Variants in UBE2E1 observed in about 807,000 individuals in gnomAD.
The protein encoded by UBE2E1 is ubiquitin-conjugating enzyme E2 E1.
Under a neutral mutation model 21.4 loss-of-function variants are expected in UBE2E1, and 6 were observed. The ratio of observed to expected loss-of-function variants is 0.28; its 90% CI spans 0.15 to 0.55. The LOEUF (loss-of-function observed/expected upper bound fraction) is 0.55. UBE2E1 is among the 20% of genes least tolerant of loss of function. The probability of loss-of-function intolerance (pLI) is 0.93; values close to 1 mark genes in which losing one functional copy is unlikely to be tolerated. For synonymous variants in UBE2E1, 87 were observed against 82.7 expected (o/e 1.05, Z -0.28); for missense variants, 142 against 236.5 (o/e 0.60, Z 2.62).
chr3:23,857,978 T>TG (rs1700476483), intron 3 of UBE2E1, among the ~76,000 whole-genome samples: 1 of 152,122 alleles, frequency 6.6e-6, no homozygotes, highest in African/African-American at 2.4e-5. Flanking sequence ...CATGCCACCG[T>TG]GCCTGGCTAA....
chr3:23,850,860 T>TTTTTA (rs1335174624), intron 3 of UBE2E1, among the ~76,000 whole-genome samples: 2 of 129,096 alleles, frequency 1.5e-5, no homozygotes, highest in African/African-American at 3.0e-5. Context: ...TTTTTTTTTT[T>TTTTTA]AAGAGACAGG....
At chr3:23,855,690 C>T (rs893893085) in intron 3 of UBE2E1, among the ~76,000 whole-genome samples, 4 of 151,734 alleles carry the variant, frequency 2.6e-5, no homozygotes, top group Non-Finnish European at 5.9e-5. Flanking sequence ...ATTAGCTGGG[C>T]GTGGTGGTGG....
At chr3:23,820,249 C>A (rs777618437) in intron 3 of UBE2E1, among the ~76,000 whole-genome samples, 5 of 152,174 alleles carry the variant, frequency 3.3e-5, no homozygotes, top group Non-Finnish European at 5.9e-5. Context: ...TAACTGGTGT[C>A]AGAATATGCT....
At chr3:23,821,695 C>A (rs1699649001) in intron 3 of UBE2E1, among the ~76,000 whole-genome samples, 1 of 151,972 alleles carries the variant, frequency 6.6e-6, no homozygotes, top group South Asian at 2.1e-4. Context: ...TGTTTTTTTG[C>A]AATTGGCTAG....
chr3:23,869,805 G>A (rs1224034165), intron 3 of UBE2E1, among the ~76,000 whole-genome samples: 1 of 151,204 alleles, frequency 6.6e-6, no homozygotes, highest in African/African-American at 2.4e-5. Flanking sequence ...TGGAAACTGG[G>A]AAATTGGGCA....
chr3:23,872,266 G>A (rs905894511), intron 3 of UBE2E1, among the ~76,000 whole-genome samples: 1 of 152,058 alleles, frequency 6.6e-6, no homozygotes, highest in East Asian at 1.9e-4. Flanking sequence ...ACAGGCACTC[G>A]GCAGGCTGAG....
rs2125276765 is a variant in UBE2E1, at chr3:23,806,666, C to T, written c.-33-571C>T. On this transcript the variant is annotated intron_variant, in intron 1 of 5. Transcript: ENST00000306627. The surrounding 1 kb of genome is among the most constrained non-coding windows in gnomAD (Gnocchi z 6.5). ...CGCGGCGCGGGGGGGCCTCGGGCCTCGTCGCCCCTGCCCCCCGCCGGCCTC... is the reference window on the plus strand; with the variant it reads ...CGCGGCGCGGGGGGGCCTCGGGCCTTGTCGCCCCTGCCCCCCGCCGGCCTC... Among the ~76,000 whole-genome samples, 1 of 151,468 alleles carries T rather than the reference C, an allele frequency of 6.6e-6. No individual in the cohort carries two copies. The highest frequency in any genetic ancestry group is 2.0e-4 in the East Asian group (1 of 5,092).
chr3:23,819,013 G>A (rs1483681808), intron 3 of UBE2E1, among the ~76,000 whole-genome samples: 1 of 152,170 alleles, frequency 6.6e-6, no homozygotes, highest in Non-Finnish European at 1.5e-5. Context: ...GTCCGGGCAC[G>A]GTGGCTTACG....
In UBE2E1 at chr3:23,870,236, C is replaced by T. The variant is rs1417368543; in HGVS notation, c.204-17331C>T. 1.3e-5 allele frequency among the ~76,000 whole-genome samples: 2 copies of T among 152,042 alleles called. No homozygotes were observed. Among genetic ancestry groups the T allele is most frequent in the South Asian group, 4.1e-4 (2 of 4,828 alleles). ...TCCAAGGCACATAGAAAGGGAGAGA[C>T]AGACAGCTGCAGGATGAGATGGGGG... On this transcript the variant is annotated intron_variant, in intron 3 of 5. Transcript: ENST00000306627. The surrounding 1 kb of genome is among the most constrained non-coding windows in gnomAD (Gnocchi z 4.2).
intron 3 of UBE2E1, among the ~76,000 whole-genome samples, chr3:23,864,238 G>T (rs1036434254): frequency 2.0e-5 from 3 of 152,042 alleles, no homozygotes; most frequent in Non-Finnish European, 4.4e-5. Flanking sequence ...CTGATTTGGG[G>T]TTTCTTACAC....
chr3:23,854,930 A>G (rs925566974), intron 3 of UBE2E1, among the ~76,000 whole-genome samples: 1 of 152,258 alleles, frequency 6.6e-6, no homozygotes, highest in African/African-American at 2.4e-5. Flanking sequence ...TTCAGTGCAT[A>G]TAGAGGCTTC....
At chr3:23,811,083 A>T (rs189051288) in intron 2 of UBE2E1, 2 of 232,908 alleles carry the variant, frequency 8.6e-6, no homozygotes, top group Non-Finnish European at 1.7e-5. Flanking sequence ...CGTCCTTCCC[A>T]CGCACCGATG....
chr3:23,877,069 G>C (rs577767041), intron 3 of UBE2E1, among the ~76,000 whole-genome samples: 53 of 152,290 alleles, frequency 3.5e-4, no homozygotes, highest in African/African-American at 1.3e-3. Flanking sequence ...ATCCTCTGTA[G>C]CTGGCTTCTC....
At chr3:23,844,102 G>C (rs746839173) in intron 3 of UBE2E1, among the ~76,000 whole-genome samples, 1 of 152,144 alleles carries the variant, frequency 6.6e-6, no homozygotes, top group Non-Finnish European at 1.5e-5. Flanking sequence ...TGTGGGTGGG[G>C]TTTGTGAGTA....
chr3:23,858,117 C>T (rs977608644), intron 3 of UBE2E1, among the ~76,000 whole-genome samples: 15 of 152,256 alleles, frequency 9.9e-5, no homozygotes, highest in Middle Eastern at 3.4e-3. Context: ...CAGGCGCTTT[C>T]CCTGCGAAGG....
At chr3:23,869,351 C>CTTTTTTTTTTTTTTTTTTTTTTTTTTTT (rs58059005) in intron 3 of UBE2E1, among the ~76,000 whole-genome samples, 1 of 114,620 alleles carries the variant, frequency 8.7e-6, no homozygotes, top group African/African-American at 4.2e-5. Context: ...TTATGGTATC[C>CTTTTTTTTTTTTTTTTTTTTTTTTTTTT]TTTTTTTTTT....
intron 3 of UBE2E1, among the ~76,000 whole-genome samples, chr3:23,868,436 G>A (rs1015465124): frequency 3.3e-5 from 5 of 152,004 alleles, no homozygotes; most frequent in African/African-American, 1.2e-4. Flanking sequence ...AGCCTCCTGA[G>A]TAGCTGGGAC....
chr3:23,862,255 C>G (rs189786680), intron 3 of UBE2E1, among the ~76,000 whole-genome samples: 8 of 152,332 alleles, frequency 5.3e-5, no homozygotes, highest in Admixed American at 3.9e-4. Flanking sequence ...CCTCTCTGCT[C>G]TGGTCTCATT....
At chr3:23,843,981 T>G (rs1345491788) in intron 3 of UBE2E1, among the ~76,000 whole-genome samples, 1 of 152,228 alleles carries the variant, frequency 6.6e-6, no homozygotes, top group Non-Finnish European at 1.5e-5. Flanking sequence ...TAACGATATC[T>G]TCTTGATATT....
Sources: allele counts gnomAD v4.1 joint callset (sites outside exome capture counted in the v4.1 genomes callset), GRCh38; gene constraint gnomAD v4.1.1; non-coding constraint Gnocchi (gnomAD v3.1); transcripts MANE v1.5; gene names NCBI Gene and HGNC (gene_info 2026-07-23, HGNC 2026-07-21).